TJP1: variants seen among roughly 807,000 people sequenced by gnomAD.
The protein encoded by TJP1 is tight junction protein ZO-1.
A neutral mutation model predicts 194.2 loss-of-function variants in TJP1; 43 were observed. That is an observed-to-expected ratio of 0.22 (90% confidence interval 0.17 to 0.29). TJP1 has a LOEUF of 0.29. Among genes scored for constraint, TJP1 ranks in the 10% least tolerant of loss-of-function variants. The pLI is 1.00. For synonymous variants in TJP1, 801 were observed against 779.0 expected, an observed-to-expected ratio of 1.03 and a Z score of -0.47; for missense variants, 1,971 against 2,185.7, an observed-to-expected ratio of 0.90 and a Z score of 1.96.
intron 1 of TJP1, among the ~76,000 whole-genome samples, chr15:29,966,295 G>A (rs570546752): frequency 6.6e-6 from 1 of 152,206 alleles, no homozygotes. Flanking sequence ...CTAACGTCAG[G>A]AGTTTGAGAC....
chr15:29,822,199 A>C lies in TJP1; in HGVS notation c.-171T>G. 1 of 1,173,034 alleles carries C rather than the reference A, an allele frequency of 8.5e-7. No individual in the cohort carries two copies. The highest frequency in any genetic ancestry group is 1.1e-6 in the Non-Finnish European group (1 of 950,210). 72.7% of individuals were successfully genotyped at this position (1,173,034 alleles called of 1,614,324 possible). On this transcript the variant is annotated 5_prime_UTR_variant, in exon 1 of 28. Transcript: ENST00000614355. ...GGGGGAGGGAATTCAACTCGGACAA[A>C]AGTCCGGGAAGCGCCCGCCCCGCCC...
intron 2 of TJP1, among the ~76,000 whole-genome samples, chr15:29,886,012 C>T (rs2053104023): frequency 6.6e-6 from 1 of 152,186 alleles, no homozygotes; most frequent in Non-Finnish European, 1.5e-5. Context: ...GACGTACCAA[C>T]AAGCATAAAG....
intron 8 of TJP1, among the ~76,000 whole-genome samples, chr15:29,756,604 G>A (rs916281051): frequency 6.6e-6 from 1 of 152,142 alleles, no homozygotes; most frequent in Non-Finnish European, 1.5e-5. Flanking sequence ...ACAAGCTTGT[G>A]TGTTTTTCTC....
chr15:29,849,758 A>G (rs77545814), intron 2 of TJP1, among the ~76,000 whole-genome samples: 2 of 151,696 alleles, frequency 1.3e-5, no homozygotes, highest in East Asian at 3.9e-4. Context: ...AAAAAAAAAA[A>G]AAAGAGACAA....
chr15:29,814,408 T>C (rs1297955045), intron 1 of TJP1, among the ~76,000 whole-genome samples: 8 of 152,204 alleles, frequency 5.3e-5, no homozygotes, highest in Non-Finnish European at 1.2e-4. Context: ...TCATTTAATA[T>C]GTGTTAAGCT....
chr15:29,944,189 T>C (rs993277032), intron 2 of TJP1, among the ~76,000 whole-genome samples: 1 of 151,620 alleles, frequency 6.6e-6, no homozygotes, highest in African/African-American at 2.4e-5. Context: ...GCCTCCCGGG[T>C]TCATGCCACT....
At chr15:29,943,057 A>G (rs1048516351) in intron 2 of TJP1, among the ~76,000 whole-genome samples, 1 of 152,224 alleles carries the variant, frequency 6.6e-6, no homozygotes, top group African/African-American at 2.4e-5. Flanking sequence ...AGATGAAAGA[A>G]TAAATAAAAT....
intron 2 of TJP1, among the ~76,000 whole-genome samples, chr15:29,933,901 A>G (rs981484870): frequency 1.3e-5 from 2 of 152,160 alleles, no homozygotes; most frequent in African/African-American, 2.4e-5. Flanking sequence ...TTCAAGCTGA[A>G]GAGGACAGGA....
intron 2 of TJP1, among the ~76,000 whole-genome samples, chr15:29,909,415 T>A (rs1046470930): frequency 3.3e-5 from 5 of 151,018 alleles, no homozygotes; most frequent in Non-Finnish European, 5.9e-5. Flanking sequence ...GGTCTGCATA[T>A]GACACCAGAG....
chr15:29,797,334 G>C (rs200324394), intron 2 of TJP1, among the ~76,000 whole-genome samples: 1 of 152,110 alleles, frequency 6.6e-6, no homozygotes, highest in Non-Finnish European at 1.5e-5. Context: ...ATTTTTAGTA[G>C]AGACAGGCTT....
At chr15:29,748,947 TGTGTGTGCGC>T (rs1175301784) in intron 8 of TJP1, among the ~76,000 whole-genome samples, 13 of 40,670 alleles carry the variant, frequency 3.2e-4, no homozygotes, top group African/African-American at 6.4e-4. Flanking sequence ...TGTGTGTGTG[TGTGTGTGCGC>T]GTGTGTGCGC....
intron 12 of TJP1, among the ~76,000 whole-genome samples, chr15:29,733,874 A>G (rs536659290): frequency 5.9e-5 from 9 of 152,370 alleles, no homozygotes; most frequent in African/African-American, 1.9e-4. Flanking sequence ...TGAAAATTGT[A>G]TCACAGAAAA....
At chr15:29,878,296 C>T (rs1195226562) in intron 2 of TJP1, among the ~76,000 whole-genome samples, 7 of 151,638 alleles carry the variant, frequency 4.6e-5, no homozygotes, top group Admixed American at 3.3e-4. Flanking sequence ...GTGATCCGCC[C>T]GCCTCGGCCT....
chr15:29,859,521 C>T (rs28737268), intron 2 of TJP1, among the ~76,000 whole-genome samples: 25,516 of 152,094 alleles, frequency 0.17, 2,638 homozygotes, highest in South Asian at 0.23. Context: ...GAGGTGGCCC[C>T]GGTAAGAAGG....
At chr15:29,767,537 AC>A (rs2046401131) in intron 4 of TJP1, among the ~76,000 whole-genome samples, 1 of 151,370 alleles carries the variant, frequency 6.6e-6, no homozygotes. Context: ...GCCCTGACAA[AC>A]TCCAGTCCTA....
chr15:29,731,296 T>C (rs2043642751), intron 15 of TJP1, among the ~76,000 whole-genome samples: 1 of 152,182 alleles, frequency 6.6e-6, no homozygotes, highest in South Asian at 2.1e-4. Flanking sequence ...ACAAAAGCCT[T>C]GTGCTATGGA....
At position 29,720,402 on chromosome 15, in the gene TJP1, T is replaced by C. The variant is rs34771010; in HGVS notation, c.2719A>G (p.Ile907Val). The change falls in exon 19 of 28, where the codon ATT becomes GTT. Residue 907 changes from isoleucine to valine, a missense_variant. By Grantham distance (29) the Ile-to-Val change is conservative (BLOSUM62 3). This residue lies in a region of TJP1 where 1,108 missense variants were observed against 1,128.5 expected (regional missense o/e 0.98). Transcript: ENST00000614355. ...PYSPQAQPQP[I>V]HRIDSPGFKP... is the part of the protein sequence containing the mutation. ...AATCCAGGGGAGTCTATTCTATGAA[T>C]TGGTTGTGGCTGCGCTTGTGGTGAG... 5.2e-5 allele frequency: 84 copies of C among 1,610,842 alleles called. No homozygotes were observed. The African/African-American group carries it at 8.8e-4, about 17-fold the overall frequency.
chr15:29,781,155 C>T (rs1038123427), intron 2 of TJP1, among the ~76,000 whole-genome samples: 3 of 152,028 alleles, frequency 2.0e-5, no homozygotes, highest in African/African-American at 7.2e-5. Flanking sequence ...CCACTGACCC[C>T]ACAGGAATAC....
chr15:29,895,188 G>C (rs2053439248), intron 2 of TJP1, among the ~76,000 whole-genome samples: 1 of 152,184 alleles, frequency 6.6e-6, no homozygotes, highest in African/African-American at 2.4e-5. Flanking sequence ...CACCCTTGCT[G>C]TTCTCTCCCA....
Sources: gnomAD v4.1 joint callset for allele counts (sites outside exome capture counted in the v4.1 genomes callset) on GRCh38, gnomAD v4.1.1 for gene constraint, gnomAD v4.1.1 regional missense constraint, MANE v1.5 for transcripts, NCBI Gene and HGNC (gene_info 2026-07-23, HGNC 2026-07-21) for gene names.